Variants in EXOC4 observed in about 807,000 individuals in gnomAD.
EXOC4 encodes the protein exocyst complex component 4.
Under a neutral mutation model 107.2 loss-of-function variants are expected in EXOC4, and 71 were observed. The observed-to-expected ratio is 0.66, with a 90% confidence interval of 0.55 to 0.81. The LOEUF is 0.81. Among genes scored for constraint, EXOC4 ranks in the 30% least tolerant of loss-of-function variants. The probability of loss-of-function intolerance (pLI) is 0.00; values close to 1 mark genes in which losing one functional copy is unlikely to be tolerated. For synonymous variants in EXOC4, 456 were observed against 441.2 expected, an observed-to-expected ratio of 1.03 and a Z score of -0.42; for missense variants, 1,108 against 1,189.6, an observed-to-expected ratio of 0.93 and a Z score of 1.01.
chr7:134,090,349 A>C, the EXOC4 span, among the ~76,000 whole-genome samples: 1 of 152,188 alleles, frequency 6.6e-6, no homozygotes, highest in Non-Finnish European at 1.5e-5. Flanking sequence ...ACCTGCAGCA[A>C]AGTTTGTAAC....
intron 3 of EXOC4, among the ~76,000 whole-genome samples, chr7:133,302,941 A>G (rs1030575205): frequency 1.3e-5 from 2 of 152,188 alleles, no homozygotes; most frequent in Admixed American, 6.5e-5. Flanking sequence ...TCTTTTTATC[A>G]TTAATTATGC....
At chr7:133,581,077 C>T (rs1289159143) in intron 9 of EXOC4, among the ~76,000 whole-genome samples, 1 of 152,138 alleles carries the variant, frequency 6.6e-6, no homozygotes, top group Non-Finnish European at 1.5e-5. Flanking sequence ...AGGGTACACA[C>T]TGGGCCTGTG....
chr7:133,522,054 A>G (rs1443841952), intron 9 of EXOC4, among the ~76,000 whole-genome samples: 5 of 152,076 alleles, frequency 3.3e-5, no homozygotes, highest in African/African-American at 1.2e-4. Context: ...CAGCAAAAGT[A>G]TTTCATCAAT....
At chr7:133,560,961 A>C (rs923205264) in intron 9 of EXOC4, among the ~76,000 whole-genome samples, 1 of 152,074 alleles carries the variant, frequency 6.6e-6, no homozygotes, top group Admixed American at 6.6e-5. Flanking sequence ...AGGTTTAAAG[A>C]TACTAGATCA....
At chr7:133,531,582 A>G (rs192075998) in intron 9 of EXOC4, among the ~76,000 whole-genome samples, 82 of 152,276 alleles carry the variant, frequency 5.4e-4, no homozygotes, top group South Asian at 1.9e-3. Flanking sequence ...GACCCAGGCG[A>G]GACTTGCAAG....
rs181382280 is a variant in EXOC4, at chr7:133,664,715, A to C, written c.1514+34574A>C. On this transcript the variant is annotated intron_variant, in intron 10 of 17. Transcript: ENST00000253861. ...TTAGCTGAAGATAAATCTATGCAGA[A>C]TTCACTTAAGGGAACAGACAACTAC... Among the ~76,000 whole-genome samples the C allele has an allele frequency of 3.9e-5, 6 of 152,300 alleles. No individual in the cohort carries two copies. In the East Asian group the frequency reaches 9.7e-4, roughly 25 times the overall value.
At chr7:133,759,479 T>C (rs1336517428) in intron 10 of EXOC4, among the ~76,000 whole-genome samples, 1 of 152,338 alleles carries the variant, frequency 6.6e-6, no homozygotes, top group East Asian at 1.9e-4. Flanking sequence ...GTACAAGTAT[T>C]ATCTCACTTA....
At chr7:133,435,641 G>A (rs1052834789) in intron 7 of EXOC4, among the ~76,000 whole-genome samples, 3 of 152,108 alleles carry the variant, frequency 2.0e-5, no homozygotes, top group Non-Finnish European at 4.4e-5. Flanking sequence ...GGTAAATTAG[G>A]TATTCTTCTG....
At chr7:133,493,077 A>T (rs1262247602) in intron 9 of EXOC4, among the ~76,000 whole-genome samples, 1 of 152,098 alleles carries the variant, frequency 6.6e-6, no homozygotes, top group East Asian at 1.9e-4. Flanking sequence ...AATATACCTA[A>T]CCTCATAGGG....
chr7:133,762,761 T>C (rs1487623905), intron 10 of EXOC4, among the ~76,000 whole-genome samples: 1 of 152,126 alleles, frequency 6.6e-6, no homozygotes, highest in Non-Finnish European at 1.5e-5. Context: ...CTGGAAAACA[T>C]GTAGAATATA....
At chr7:133,790,583 C>T (rs767129927) in intron 10 of EXOC4, among the ~76,000 whole-genome samples, 14 of 152,212 alleles carry the variant, frequency 9.2e-5, no homozygotes, top group Admixed American at 2.6e-4. Context: ...TGTGGGTGAC[C>T]ACATGCATTT....
chr7:133,677,434 A>T (rs936352716), intron 10 of EXOC4, among the ~76,000 whole-genome samples: 2 of 152,160 alleles, frequency 1.3e-5, no homozygotes, highest in Non-Finnish European at 2.9e-5. Flanking sequence ...GAATTTCTCA[A>T]ATGTCAAATA....
intron 14 of EXOC4, 142 bp from the exon 15 acceptor site, chr7:133,997,350 A>G (rs1418674289): frequency 1.1e-5 from 8 of 758,768 alleles, no homozygotes; most frequent in South Asian, 7.4e-5. Flanking sequence ...GAAATTGTCT[A>G]TCATGTCTTG....
chr7:133,489,957 A>G (rs1475219014), intron 9 of EXOC4, among the ~76,000 whole-genome samples: 4 of 152,192 alleles, frequency 2.6e-5, no homozygotes, highest in Non-Finnish European at 4.4e-5. Context: ...ATTCTGGCTA[A>G]TAGGATGTGA....
At position 133,374,890 on chromosome 7, in the gene EXOC4, CTG is replaced by C; in HGVS notation, c.1073_1074del (p.Val358GlyfsTer23). The C allele has an allele frequency of 6.2e-7, 1 of 1,614,054 alleles. No homozygotes were observed. The highest frequency in any genetic ancestry group is 8.5e-7 in the Non-Finnish European group (1 of 1,179,926). On this transcript the variant is annotated frameshift_variant, in exon 7 of 18. Transcript: ENST00000253861. LOFTEE classifies it high-confidence loss of function. ...TTTAATGCTGTAGCCGCTGCACACT[CTG>C]TGGTCCTGGGATACCTGCAGGACAC...
intron 5 of EXOC4, among the ~76,000 whole-genome samples, chr7:133,326,481 C>A (rs571107412): frequency 6.6e-6 from 1 of 152,246 alleles, no homozygotes; most frequent in South Asian, 2.1e-4. Context: ...TACTCCAGAC[C>A]CTGTTTGCCT....
intron 11 of EXOC4, among the ~76,000 whole-genome samples, chr7:133,866,679 G>A (rs906581409): frequency 1.3e-5 from 2 of 151,736 alleles, no homozygotes; most frequent in Admixed American, 6.6e-5. Context: ...TTGATTCATC[G>A]CTGGATCCAA....
At chr7:133,418,991 T>G (rs1797542036) in intron 7 of EXOC4, among the ~76,000 whole-genome samples, 1 of 152,208 alleles carries the variant, frequency 6.6e-6, no homozygotes. Context: ...TCTTTGACTA[T>G]GTTTCAAAGT....
intron 11 of EXOC4, among the ~76,000 whole-genome samples, chr7:133,848,993 A>T (rs1217328280): frequency 6.6e-6 from 1 of 152,150 alleles, no homozygotes; most frequent in Non-Finnish European, 1.5e-5. Flanking sequence ...GGAATACAAA[A>T]ATCTTGTTTG....
Sources: gnomAD v4.1 joint callset for allele counts (sites outside exome capture counted in the v4.1 genomes callset) on GRCh38, gnomAD v4.1.1 for gene constraint, MANE v1.5 for transcripts, NCBI Gene and HGNC (gene_info 2026-07-23, HGNC 2026-07-21) for gene names.